The following RAB19 variants were observed in gnomAD, a reference collection of about 807,000 sequenced individuals.
RAB19 encodes RAB19, member RAS oncogene family.
Under a neutral mutation model 17.3 loss-of-function variants are expected in RAB19, and 21 were observed. The ratio of observed to expected loss-of-function variants is 1.21; its 90% confidence interval spans 0.86 to 1.74. The LOEUF is 1.74. Among genes scored for constraint, RAB19 ranks in the 40% most tolerant of loss-of-function variants. RAB19 has a pLI of 0.00. For synonymous variants in RAB19, 126 were observed against 110.4 expected, an observed-to-expected ratio of 1.14 and a Z score of -0.88; for missense variants, 277 against 286.8, an observed-to-expected ratio of 0.97 and a Z score of 0.25.
chr7:140,410,387 C>T lies in RAB19; in HGVS notation c.202-1487C>T, dbSNP rs1210601971. On this transcript the variant is annotated intron_variant, in intron 2 of 3. Coordinates refer to ENST00000537763, the MANE Select transcript of RAB19 (RefSeq NM_001008749.3). ...CAGGCCGAACTGCGGACTGCAGTGG[C>T]GCAATCTCGGCTCACTGTAAGCTCC... 3.2e-5 allele frequency among the ~76,000 whole-genome samples: 4 copies of T among 126,288 alleles called. No individual in the cohort carries two copies. In the South Asian group the frequency reaches 7.8e-4, roughly 25 times the overall value. 82.8% of individuals were successfully genotyped at this position (126,288 alleles called of 152,430 possible).
intron 2 of RAB19, chr7:140,410,980 C>T (rs1799348751): frequency 5.8e-6 from 8 of 1,367,762 alleles, no homozygotes; most frequent in Non-Finnish European, 7.8e-6. Flanking sequence ...CAGAACAGTT[C>T]GGCCAGTATT....
intron 2 of RAB19, among the ~76,000 whole-genome samples, chr7:140,409,510 CG>C (rs1238496978): frequency 1.3e-5 from 2 of 151,852 alleles, no homozygotes; most frequent in South Asian, 2.1e-4. Context: ...GCCTGGCCAA[CG>C]GGGGGAAACC....
In RAB19 at chr7:140,417,071, C is replaced by CAA. The variant is rs11422658; in HGVS notation, c.385+5028_385+5029dup. Among the ~76,000 whole-genome samples the CAA allele has an allele frequency of 4.5e-3, 611 of 136,228 alleles. 8 individuals carry two copies. Among genetic ancestry groups the CAA allele is most frequent in the African/African-American group, 0.013 (491 of 37,170 alleles). The allele number at this position is 136,228 out of a possible 152,430, so 89.4% of individuals were successfully genotyped here. Reference sequence around the variant, plus strand: ...TGAAACCCCATCTCTACTAAAAATACAAAAAAAAAAAAAAATCAGCCAGGT... The same window carrying CAA: ...TGAAACCCCATCTCTACTAAAAATACAAAAAAAAAAAAAAAAATCAGCCAGGT... On this transcript the variant is annotated intron_variant, in intron 3 of 3. Transcript: ENST00000537763.
chr7:140,413,181 G>A (rs7805540), intron 3 of RAB19, among the ~76,000 whole-genome samples: 5,673 of 152,238 alleles, frequency 0.037, 331 homozygotes, highest in African/African-American at 0.13. Context: ...TGTCGAAAAT[G>A]ACTTTACTGT....
Position 140,407,663 on chromosome 7 carries a change from C to T in RAB19, c.17C>T (p.Ser6Leu), listed in dbSNP as rs1311611197. Residue 6 changes from serine (S) to leucine (L), a missense_variant, in exon 2 of 4, where the codon TCA (serine) becomes TTA (leucine). Ser to Leu is a moderately radical substitution (Grantham distance 145, BLOSUM62 -2). Transcript: ENST00000537763. Reference protein sequence around the residue: MHFSSSARAADENFDY... With the variant: MHFSSLARAADENFDY... Reference sequence around the variant, plus strand: ...GCAAGAACCATGCACTTCTCCAGCTCAGCCAGGGCAGCAGATGAGAACTTT... The same window carrying T: ...GCAAGAACCATGCACTTCTCCAGCTTAGCCAGGGCAGCAGATGAGAACTTT... The T allele has an allele frequency of 1.2e-6, 2 of 1,614,108 alleles. No individual in the cohort carries two copies. The highest frequency in any genetic ancestry group is 2.2e-5 in the East Asian group (1 of 44,872).
intron 3 of RAB19, among the ~76,000 whole-genome samples, chr7:140,412,912 C>A (rs924168350): frequency 6.6e-6 from 1 of 150,714 alleles, no homozygotes; most frequent in Admixed American, 6.6e-5. Flanking sequence ...ATTGCTTGAG[C>A]CCAGGGTTTC....
chr7:140,420,703 G>A (rs75931779), intron 3 of RAB19, among the ~76,000 whole-genome samples: 2 of 152,040 alleles, frequency 1.3e-5, no homozygotes, highest in African/African-American at 4.8e-5. Flanking sequence ...CCCCACTAGG[G>A]CGCTGCACTA....
Position 140,426,069 on chromosome 7 carries a change from T to G in RAB19, c.573T>G (p.Ser191Arg), listed in dbSNP as rs1325660696. 6.2e-7 allele frequency: 1 copy of G among 1,613,584 alleles called. No homozygotes were observed. The change falls in exon 4 of 4, where the codon AGT becomes AGG. Residue 191 changes from serine (S) to arginine (R), a missense_variant. Transcript: ENST00000537763. ...ACAGCCTGCACCTATATGGGGAGAGTGCCCTGAACGGCCTCCCCCTGGACT... is the reference window on the plus strand; with the variant it reads ...ACAGCCTGCACCTATATGGGGAGAGGGCCCTGAACGGCCTCCCCCTGGACT... ...ARNSLHLYGE[S>R]ALNGLPLDSS...
chr7:140,405,663 C>A (rs577430573), intron 1 of RAB19, among the ~76,000 whole-genome samples: 1 of 151,954 alleles, frequency 6.6e-6, no homozygotes, highest in Non-Finnish European at 1.5e-5. Flanking sequence ...CAGGCATGAG[C>A]GACTGCGGCC....
In RAB19 at chr7:140,407,793, G is replaced by T. The variant is rs146357700; in HGVS notation, c.147G>T (p.Thr49=). 6.2e-7 allele frequency: 1 copy of T among 1,613,060 alleles called. No individual in the cohort carries two copies. The highest frequency in any genetic ancestry group is 8.5e-7 in the Non-Finnish European group (1 of 1,179,696). Reference sequence around the variant, plus strand: ...TCTACACTGAGACACAGCAGAACACGATTGGAGTGGACTTTACCGTGCGTT... The same window carrying T: ...TCTACACTGAGACACAGCAGAACACTATTGGAGTGGACTTTACCGTGCGTT... ...SGVYTETQQN[T]IGVDFTVRSL... is the part of the protein sequence containing the mutation. The change falls in exon 2 of 4, where the codon ACG becomes ACT. Residue 49 remains threonine, a synonymous_variant. Transcript: ENST00000537763.
chr7:140,422,384 G>A (rs186758757), intron 3 of RAB19, among the ~76,000 whole-genome samples: 1 of 149,042 alleles, frequency 6.7e-6, no homozygotes, highest in African/African-American at 2.5e-5. Flanking sequence ...GTGAGACGCT[G>A]TCTCAAAAAA....
chr7:140,416,815 G>A (rs984811917), intron 3 of RAB19, among the ~76,000 whole-genome samples: 6 of 152,094 alleles, frequency 3.9e-5, no homozygotes, highest in African/African-American at 9.7e-5. Flanking sequence ...CCAGCTGGGC[G>A]CCGTGGCTCA....
At chr7:140,418,714 C>G (rs1799506557) in intron 3 of RAB19, among the ~76,000 whole-genome samples, 1 of 151,866 alleles carries the variant, frequency 6.6e-6, no homozygotes, top group Non-Finnish European at 1.5e-5. Context: ...TACAAATTAG[C>G]TGGGTATGAT....
rs1221763581 is a variant in RAB19, at chr7:140,427,874, G to C, written c.*1724G>C. Among the ~76,000 whole-genome samples, 1 of 152,010 alleles carries C rather than the reference G, an allele frequency of 6.6e-6. No homozygotes were observed. The highest frequency in any genetic ancestry group is 1.5e-5 in the Non-Finnish European group (1 of 68,004). On this transcript the variant is annotated 3_prime_UTR_variant, in exon 4 of 4. Transcript: ENST00000537763. ...CAAAGTGCTGGGATTACAGGCATGAGCCACCATGCCTGGCACAATTTCTTT... is the reference window on the plus strand; with the variant it reads ...CAAAGTGCTGGGATTACAGGCATGACCCACCATGCCTGGCACAATTTCTTT...
intron 3 of RAB19, among the ~76,000 whole-genome samples, chr7:140,416,612 GC>G (rs1054558781): frequency 6.6e-6 from 1 of 152,158 alleles, no homozygotes; most frequent in African/African-American, 2.4e-5. Context: ...AAATGAAGAA[GC>G]CCTTCCTTGG....
At chr7:140,410,480 C>T (rs1315309886) in intron 2 of RAB19, among the ~76,000 whole-genome samples, 2 of 151,968 alleles carry the variant, frequency 1.3e-5, no homozygotes, top group Non-Finnish European at 2.9e-5. Flanking sequence ...GCGCCCGCCA[C>T]GGCGCCCGGC....
rs764549397 is a variant in RAB19 at position 140,426,040 on chromosome 7, C to T, written c.544C>T (p.Arg182Cys). 20 of 1,614,006 alleles carry T rather than the reference C, an allele frequency of 1.2e-5. No homozygotes were observed. Among genetic ancestry groups the T allele is most frequent in the African/African-American group, 4.0e-5 (3 of 74,922 alleles). ...FVLMAKELIARNSLHLYGESA... is the reference protein window; with the variant it reads ...FVLMAKELIACNSLHLYGESA... ...GCTCATGGCCAAGGAGCTGATCGCG[C>T]GCAACAGCCTGCACCTATATGGGGA... The change falls in exon 4 of 4, where the codon CGC becomes TGC. Residue 182 changes from arginine to cysteine, a missense_variant. By Grantham distance (180) the Arg-to-Cys change is radical. Coordinates refer to ENST00000537763, the MANE Select transcript of RAB19 (RefSeq NM_001008749.3).
At chr7:140,424,159 A>AT (rs201170019) in intron 3 of RAB19, among the ~76,000 whole-genome samples, 2,291 of 118,764 alleles carry the variant, frequency 0.019, 53 homozygotes, top group African/African-American at 0.065. Context: ...CTGGCTGATA[A>AT]TTTTTTTTTT....
chr7:140,415,066 C>T (rs1240683301), intron 3 of RAB19, among the ~76,000 whole-genome samples: 4 of 149,020 alleles, frequency 2.7e-5, no homozygotes, highest in Non-Finnish European at 5.9e-5. Flanking sequence ...CTTTTTTTTT[C>T]TTTTCTTTTC....
Sources: allele counts gnomAD v4.1 joint callset (sites outside exome capture counted in the v4.1 genomes callset), GRCh38; gene constraint gnomAD v4.1.1; transcripts MANE v1.5; gene names NCBI Gene and HGNC (gene_info 2026-07-23, HGNC 2026-07-21).